LRP1B: variants seen among roughly 807,000 people sequenced by gnomAD.
LRP1B encodes low-density lipoprotein receptor-related protein 1B.
A neutral mutation model predicts 556.6 loss-of-function variants in LRP1B; 217 were observed. The observed-to-expected ratio is 0.39, with a 90% CI of 0.35 to 0.44. The LOEUF (loss-of-function observed/expected upper bound fraction) is 0.44. Ranked by LOEUF, LRP1B falls within the 20% of genes least tolerant of loss-of-function variation. The pLI, the probability that LRP1B is intolerant of heterozygous loss-of-function variation, is 1.00. For synonymous variants in LRP1B, 2,047 were observed against 1,865.8 expected (o/e 1.10, Z -2.50); for missense variants, 5,053 against 5,620.8 (o/e 0.90, Z 3.23).
At chr2:141,276,539 C>T (rs1459792645) in intron 3 of LRP1B, among the ~76,000 whole-genome samples, 3 of 152,062 alleles carry the variant, frequency 2.0e-5, no homozygotes, top group African/African-American at 4.8e-5. Flanking sequence ...CTAGTGAGAA[C>T]ACATGGGGTT....
intron 35 of LRP1B, among the ~76,000 whole-genome samples, chr2:140,761,358 C>A (rs1053033776): frequency 6.6e-6 from 1 of 152,166 alleles, no homozygotes; most frequent in African/African-American, 2.4e-5. Flanking sequence ...TAGGCAGCCC[C>A]TAATGTGGCC....
chr2:142,035,183 G>A (rs1047769628), intron 1 of LRP1B, among the ~76,000 whole-genome samples: 3 of 151,448 alleles, frequency 2.0e-5, no homozygotes, highest in Admixed American at 6.6e-5. Context: ...CATATTAGTC[G>A]CAAAGATGCT....
chr2:140,475,573 A>C (rs1687941109), intron 59 of LRP1B, among the ~76,000 whole-genome samples: 1 of 151,044 alleles, frequency 6.6e-6, no homozygotes, highest in Non-Finnish European at 1.5e-5. Context: ...ACACAAACTC[A>C]TATATAACAA....
chr2:141,325,773 T>C (rs1349020095), intron 3 of LRP1B, among the ~76,000 whole-genome samples: 1 of 152,064 alleles, frequency 6.6e-6, no homozygotes, highest in Admixed American at 6.6e-5. Flanking sequence ...GAATAATTTA[T>C]AGAGGTGAAG....
intron 3 of LRP1B, among the ~76,000 whole-genome samples, chr2:141,287,622 C>A (rs1175724515): frequency 6.6e-6 from 1 of 152,112 alleles, no homozygotes; most frequent in African/African-American, 2.4e-5. Context: ...GATCAATACA[C>A]CATTTAGAAT....
At chr2:141,449,447 A>AT (rs1354350098) in intron 3 of LRP1B, among the ~76,000 whole-genome samples, 1 of 152,114 alleles carries the variant, frequency 6.6e-6, no homozygotes, top group Non-Finnish European at 1.5e-5. Flanking sequence ...CAAACCTTAC[A>AT]TTTTTTATAT....
At chr2:141,134,537 G>A (rs1037760994) in intron 7 of LRP1B, among the ~76,000 whole-genome samples, 6 of 151,602 alleles carry the variant, frequency 4.0e-5, no homozygotes, top group Non-Finnish European at 8.8e-5. Flanking sequence ...TTGTAGCTCA[G>A]ATTAAATATA....
At chr2:140,676,385 C>T (rs887255881) in intron 41 of LRP1B, among the ~76,000 whole-genome samples, 7 of 152,070 alleles carry the variant, frequency 4.6e-5, no homozygotes, top group Non-Finnish European at 5.9e-5. Flanking sequence ...TGGATAATCC[C>T]GCTGTTAAAA....
At chr2:141,893,127 T>G (rs1699341134) in intron 1 of LRP1B, among the ~76,000 whole-genome samples, 1 of 152,186 alleles carries the variant, frequency 6.6e-6, no homozygotes, top group East Asian at 1.9e-4. Flanking sequence ...GTTAGGAAAT[T>G]TTGAAAATAA....
intron 3 of LRP1B, among the ~76,000 whole-genome samples, chr2:141,360,643 A>AT (rs1203804997): frequency 1.3e-5 from 2 of 152,216 alleles, no homozygotes; most frequent in African/African-American, 4.8e-5. Flanking sequence ...TTTTGCCAGT[A>AT]TATCAAAGCT....
In LRP1B at chr2:140,233,158, T is replaced by C; in HGVS notation, c.*28A>G. 6.8e-7 allele frequency: 1 copy of C among 1,474,080 alleles called. No homozygotes were observed. The highest frequency in any genetic ancestry group is 1.4e-5 in the African/African-American group (1 of 70,966). The allele number at this position is 1,474,080 out of a possible 1,614,324, so 91.3% of individuals were successfully genotyped here. On this transcript the variant is annotated 3_prime_UTR_variant, in exon 91 of 91. Coordinates refer to ENST00000389484, the MANE Select transcript of LRP1B (RefSeq NM_018557.3). ...AAAGTAATCCTTATATTTTATACAT[T>C]TATACAGCATATAAAAGATATCACT... is the stretch of plus-strand genomic sequence containing the variant.
At chr2:141,901,655 TA>T (rs894323638) in intron 1 of LRP1B, among the ~76,000 whole-genome samples, 2 of 151,766 alleles carry the variant, frequency 1.3e-5, no homozygotes, top group African/African-American at 2.4e-5. Context: ...GCCATTTTAA[TA>T]AAAAAACTAT....
chr2:141,075,015 C>G (rs985372248), intron 7 of LRP1B, among the ~76,000 whole-genome samples: 4 of 152,028 alleles, frequency 2.6e-5, no homozygotes, highest in African/African-American at 7.2e-5. Context: ...CCTATGATAT[C>G]AGACTATAAC....
intron 3 of LRP1B, among the ~76,000 whole-genome samples, chr2:141,341,827 G>C (rs1290718831): frequency 6.6e-6 from 1 of 152,112 alleles, no homozygotes; most frequent in Non-Finnish European, 1.5e-5. Context: ...ATTATTTAAA[G>C]CAGGAACTGC....
chr2:140,524,392 C>A (rs977133299), intron 49 of LRP1B, among the ~76,000 whole-genome samples: 9 of 151,834 alleles, frequency 5.9e-5, no homozygotes, highest in Non-Finnish European at 1.3e-4. Context: ...ATTAGTTCAG[C>A]CCCTGTGAAA....
At chr2:140,563,190 CCACACACACAAACA>C (rs1382451090) in intron 43 of LRP1B, among the ~76,000 whole-genome samples, 5 of 150,146 alleles carry the variant, frequency 3.3e-5, no homozygotes. Flanking sequence ...ACACACACAC[CCACACACACAAACA>C]CACACACATA....
Position 141,639,938 on chromosome 2 carries a change from G to A in LRP1B, c.206-159405C>T, listed in dbSNP as rs529421301. Among the ~76,000 whole-genome samples the A allele has an allele frequency of 1.4e-4, 22 of 152,258 alleles. No homozygotes were observed. In the South Asian group the frequency reaches 4.6e-3, roughly 32 times the overall value. On this transcript the variant is annotated intron_variant, in intron 2 of 90. Coordinates refer to ENST00000389484, the MANE Select transcript of LRP1B (RefSeq NM_018557.3). ...AAACTCACAGGAAGATATGTGCAAT[G>A]AGGAAAAGAAAACGCAATGGTAGCT...
rs1559161450 is a variant in LRP1B, at chr2:140,860,995, TATC to T, written c.4579+6592_4579+6594del. On this transcript the variant is annotated intron_variant, in intron 27 of 90. Coordinates refer to ENST00000389484, the MANE Select transcript of LRP1B (RefSeq NM_018557.3). ...TTGTGCATCTATCTATCTATCTATC[TATC>T]TATCTATCTATCTATCTATCTATCT... is the stretch of plus-strand genomic sequence containing the variant. Among the ~76,000 whole-genome samples the T allele has an allele frequency of 1.7e-4, 26 of 152,104 alleles. 1 individual carries two copies. Among genetic ancestry groups the T allele is most frequent in the African/African-American group, 5.8e-4 (24 of 41,492 alleles).
chr2:141,993,220 C>G (rs767240207), intron 1 of LRP1B, among the ~76,000 whole-genome samples: 11 of 152,012 alleles, frequency 7.2e-5, no homozygotes, highest in Non-Finnish European at 1.2e-4. Flanking sequence ...TGCTATTGCT[C>G]GAGGACCACA....
Sources: allele counts gnomAD v4.1 joint callset (sites outside exome capture counted in the v4.1 genomes callset), GRCh38; gene constraint gnomAD v4.1.1; transcripts MANE v1.5; gene names NCBI Gene and HGNC (gene_info 2026-07-23, HGNC 2026-07-21).